Variants in GRIA1 observed in about 807,000 individuals in gnomAD.
GRIA1 encodes glutamate receptor 1.
A neutral mutation model predicts 99.2 loss-of-function variants in GRIA1; 31 were observed. That is an observed-to-expected ratio of 0.31 (90% CI 0.23 to 0.42). The LOEUF (loss-of-function observed/expected upper bound fraction) is 0.42, where lower values mean the gene tolerates loss of function less well. GRIA1 is among the 10% of genes least tolerant of loss of function. GRIA1 has a pLI of 1.00. For missense variants in GRIA1, 782 were observed against 1,157.5 expected (o/e 0.68, Z 4.71); for synonymous variants, 438 against 432.4 (o/e 1.01, Z -0.16).
intron 11 of GRIA1, among the ~76,000 whole-genome samples, chr5:153,758,920 G>A (rs1451307690): frequency 1.3e-5 from 2 of 151,720 alleles, no homozygotes; most frequent in Non-Finnish European, 3.0e-5. Context: ...AATAAAACTA[G>A]CAATCAATAA....
intron 2 of GRIA1, among the ~76,000 whole-genome samples, chr5:153,517,382 A>G (rs1171034849): frequency 1.3e-5 from 2 of 152,108 alleles, no homozygotes; most frequent in African/African-American, 2.4e-5. Context: ...GGGGAGCAGA[A>G]CATTTGAGCT....
chr5:153,706,977 A>T (rs909017640), intron 11 of GRIA1, among the ~76,000 whole-genome samples: 2 of 152,094 alleles, frequency 1.3e-5, no homozygotes, highest in Non-Finnish European at 2.9e-5. Flanking sequence ...AATTAGCTGG[A>T]TGTGGTGGCA....
At chr5:153,764,985 A>C (rs1418304617) in intron 12 of GRIA1, among the ~76,000 whole-genome samples, 1 of 152,216 alleles carries the variant, frequency 6.6e-6, no homozygotes, top group African/African-American at 2.4e-5. Context: ...TACGGACAAC[A>C]GCTGGACCTG....
chr5:153,571,989 C>G (rs1006828009), intron 2 of GRIA1, among the ~76,000 whole-genome samples: 15 of 152,130 alleles, frequency 9.9e-5, no homozygotes, highest in African/African-American at 3.6e-4. Context: ...ATATAAGAGC[C>G]TTTTAGACTT....
At position 153,650,311 on chromosome 5, in the gene GRIA1, C is replaced by T. The variant is rs1344534478; in HGVS notation, c.461-19C>T. 1 of 1,607,306 alleles carries T rather than the reference C, an allele frequency of 6.2e-7. No homozygotes were observed. The highest frequency in any genetic ancestry group is 1.1e-5 in the South Asian group (1 of 90,602). Reference sequence around the variant, plus strand: ...ATCCTGACTGTCTGTCATTTCTCTTCTACTCATCTGAACTTTAGGCTTATC... The same window carrying T: ...ATCCTGACTGTCTGTCATTTCTCTTTTACTCATCTGAACTTTAGGCTTATC... On this transcript the variant is annotated intron_variant, in intron 3 of 15. Transcript: ENST00000285900.
chr5:153,717,234 GTTC>G (rs752382268), intron 11 of GRIA1, among the ~76,000 whole-genome samples: 6 of 152,108 alleles, frequency 3.9e-5, no homozygotes, highest in African/African-American at 1.4e-4. Context: ...CAGTGCTAGA[GTTC>G]TTCTACGAAA....
intron 8 of GRIA1, among the ~76,000 whole-genome samples, chr5:153,696,201 C>T (rs1758085046): frequency 6.6e-6 from 1 of 152,182 alleles, no homozygotes; most frequent in South Asian, 2.1e-4. Context: ...TTTCTGCATA[C>T]TTAAAATTGA....
At chr5:153,654,015 T>G (rs1754760617) in intron 4 of GRIA1, among the ~76,000 whole-genome samples, 1 of 152,184 alleles carries the variant, frequency 6.6e-6, no homozygotes, top group Admixed American at 6.5e-5. Flanking sequence ...GTGAAATTGC[T>G]TCTTACATTT....
chr5:153,533,935 G>C (rs1313525922), intron 2 of GRIA1, among the ~76,000 whole-genome samples: 1 of 152,172 alleles, frequency 6.6e-6, no homozygotes, highest in African/African-American at 2.4e-5. Context: ...TCACCTATGT[G>C]AAAAAAGTGC....
intron 5 of GRIA1, among the ~76,000 whole-genome samples, chr5:153,656,383 T>TTATATATATATA (rs60245651): frequency 0.028 from 2,560 of 91,686 alleles, 55 homozygotes; most frequent in East Asian, 0.038. Context: ...ATAAGTTTGT[T>TTATATATATATA]TATATATATA....
At chr5:153,617,114 A>G (rs1766576017) in intron 2 of GRIA1, among the ~76,000 whole-genome samples, 1 of 152,180 alleles carries the variant, frequency 6.6e-6, no homozygotes, top group Admixed American at 6.5e-5. Context: ...GAGATCTCCT[A>G]CCCTTGGATA....
intron 10 of GRIA1, among the ~76,000 whole-genome samples, chr5:153,701,426 A>G (rs1354839998): frequency 6.6e-6 from 1 of 151,970 alleles, no homozygotes. Flanking sequence ...CATCCTGGCT[A>G]ACACAGTGAA....
chr5:153,581,911 C>A (rs1763079494), intron 2 of GRIA1, among the ~76,000 whole-genome samples: 1 of 152,084 alleles, frequency 6.6e-6, no homozygotes, highest in Non-Finnish European at 1.5e-5. Context: ...GCACATGTCA[C>A]CACGCCCGGC....
At chr5:153,604,941 A>G (rs1436714713) in intron 2 of GRIA1, among the ~76,000 whole-genome samples, 2 of 152,102 alleles carry the variant, frequency 1.3e-5, no homozygotes, top group Non-Finnish European at 2.9e-5. Flanking sequence ...ACAACCAAGT[A>G]GAAAAACAGG....
At chr5:153,706,170 C>A in intron 11 of GRIA1, 103 bp downstream of exon 11, 1 of 1,113,384 alleles carries the variant, frequency 9.0e-7, no homozygotes, top group Non-Finnish European at 1.3e-6. Flanking sequence ...TGAATTATTT[C>A]AGACCACTGT....
At chr5:153,785,745 C>T (rs181854874) in intron 13 of GRIA1, among the ~76,000 whole-genome samples, 46 of 152,292 alleles carry the variant, frequency 3.0e-4, no homozygotes, top group Admixed American at 2.4e-3. Flanking sequence ...TTATCTAGCT[C>T]GTGAATTTCC....
intron 13 of GRIA1, among the ~76,000 whole-genome samples, chr5:153,784,160 C>G (rs1764821942): frequency 6.6e-6 from 1 of 152,100 alleles, no homozygotes; most frequent in Admixed American, 6.5e-5. Flanking sequence ...AACTGAGGTA[C>G]AGTTAGGGTC....
intron 11 of GRIA1, among the ~76,000 whole-genome samples, chr5:153,762,133 T>C (rs116779405): frequency 6.6e-6 from 1 of 152,180 alleles, no homozygotes; most frequent in African/African-American, 2.4e-5. Flanking sequence ...AACAATAATG[T>C]ATATTTCAAA....
intron 5 of GRIA1, among the ~76,000 whole-genome samples, chr5:153,660,096 C>T (rs997227170): frequency 3.3e-5 from 5 of 152,090 alleles, no homozygotes; most frequent in Non-Finnish European, 7.4e-5. Context: ...GACTGAGCTG[C>T]AGAGGAGAAA....
Sources: gnomAD v4.1 joint callset for allele counts (sites outside exome capture counted in the v4.1 genomes callset) on GRCh38, gnomAD v4.1.1 for gene constraint, MANE v1.5 for transcripts, NCBI Gene and HGNC (gene_info 2026-07-23, HGNC 2026-07-21) for gene names.